Variants in KANK1 observed in about 807,000 individuals in gnomAD.
The protein encoded by KANK1 is KN motif and ankyrin repeat domains 1.
Under a neutral mutation model 106.2 loss-of-function variants are expected in KANK1, and 109 were observed. The observed-to-expected ratio is 1.03, with a 90% CI of 0.88 to 1.20. The LOEUF is 1.20. Ranked by LOEUF, KANK1 falls within the 50% of genes most tolerant of loss-of-function variation. KANK1 has a pLI of 0.00. For missense variants in KANK1, 2,399 were observed against 1,710.7 expected, an observed-to-expected ratio of 1.40 and a Z score of -7.10; for synonymous variants, 873 against 652.2, an observed-to-expected ratio of 1.34 and a Z score of -5.16.
chr9:713,647 A>G (rs937399561), intron 3 of KANK1, among the ~76,000 whole-genome samples, 183 bp downstream of exon 3: 1 of 152,204 alleles, frequency 6.6e-6, no homozygotes, highest in Non-Finnish European at 1.5e-5. Flanking sequence ...GCTGATGCTT[A>G]TTATCTGGTA....
At position 666,205 on chromosome 9, in the gene KANK1, G is replaced by C. The variant is rs148545345; in HGVS notation, c.-83-10685G>C. ...CAAAAAAAAAAACAAAATATTCCTG[G>C]GTATTTTACATTCTGTGTAGATACA... On this transcript the variant is annotated intron_variant, in intron 1 of 11. Coordinates refer to ENST00000382297, the MANE Select transcript of KANK1 (RefSeq NM_015158.5). Among the ~76,000 whole-genome samples the C allele has an allele frequency of 6.7e-3, 1,009 of 151,712 alleles. 17 individuals carry two copies. The highest frequency in any genetic ancestry group is 0.023 in the African/African-American group (953 of 41,360).
At chr9:498,817 A>G (rs534558348) in intron 3 of KANK1, among the ~76,000 whole-genome samples, 1 of 152,308 alleles carries the variant, frequency 6.6e-6, no homozygotes, top group African/African-American at 2.4e-5. Flanking sequence ...ACCCTTATAC[A>G]TTGTTAACAG....
At chr9:487,438 T>C (rs2058311600) in intron 3 of KANK1, among the ~76,000 whole-genome samples, 1 of 152,336 alleles carries the variant, frequency 6.6e-6, no homozygotes, top group East Asian at 1.9e-4. Context: ...TGATGTTTGG[T>C]AGGTTAGATG....
intron 3 of KANK1, among the ~76,000 whole-genome samples, chr9:728,039 G>A (rs55652202): frequency 0.076 from 11,522 of 152,010 alleles, 1,093 homozygotes; most frequent in African/African-American, 0.21. Flanking sequence ...TTAAAACAGA[G>A]ATCTTAGGAG....
chr9:519,618 C>T (rs1024371515), intron 1 of KANK1, among the ~76,000 whole-genome samples: 7 of 151,740 alleles, frequency 4.6e-5, no homozygotes, highest in Admixed American at 1.3e-4. Context: ...ATGATTTCGA[C>T]CTCTCATAAA....
At chr9:634,982 T>A (rs920378705) in intron 1 of KANK1, among the ~76,000 whole-genome samples, 2 of 152,166 alleles carry the variant, frequency 1.3e-5, no homozygotes, top group Non-Finnish European at 2.9e-5. Context: ...GTGGCTCTTG[T>A]AGGAGTAAGG....
chr9:610,638 T>G (rs7853095), intron 1 of KANK1, among the ~76,000 whole-genome samples: 10,974 of 152,214 alleles, frequency 0.072, 510 homozygotes, highest in African/African-American at 0.14. Context: ...ACCTGCAGTT[T>G]CCAGCTTTCC....
intron 1 of KANK1, among the ~76,000 whole-genome samples, chr9:667,781 T>A (rs113141371): frequency 3.3e-5 from 5 of 149,676 alleles, no homozygotes; most frequent in African/African-American, 9.8e-5. Context: ...CCCTCTGTCA[T>A]CCAGGCTGGA....
In KANK1 at chr9:711,261, G is replaced by A. The variant is rs753270962; in HGVS notation, c.495G>A (p.Leu165=). 1 of 1,614,140 alleles carries A rather than the reference G, an allele frequency of 6.2e-7. No individual in the cohort carries two copies. Among genetic ancestry groups the A allele is most frequent in the South Asian group, 1.1e-5 (1 of 91,078 alleles). The stretch of plus-strand genomic sequence containing the variant: ...CACTGATGGAGACCCGGAGAAGACT[G>A]GAACAGGAGAGAGCCACCATGCAGA... ...TKTLMETRRR[L]EQERATMQMT... The change falls in exon 3 of 12, where the codon CTG becomes CTA. Residue 165 remains leucine, a synonymous_variant. Coordinates refer to ENST00000382297, the MANE Select transcript of KANK1 (RefSeq NM_015158.5).
intron 2 of KANK1, among the ~76,000 whole-genome samples, chr9:706,134 T>G (rs1589063152): frequency 6.6e-6 from 1 of 152,262 alleles, no homozygotes; most frequent in East Asian, 1.9e-4. Flanking sequence ...TTTGTGAAAA[T>G]GACACCTTGA....
rs760477671 is a variant in KANK1 at position 711,861 on chromosome 9, G to C, written c.1095G>C (p.Lys365Asn). 6.2e-7 allele frequency: 1 copy of C among 1,614,180 alleles called. No individual in the cohort carries two copies. The highest frequency in any genetic ancestry group is 8.5e-7 in the Non-Finnish European group (1 of 1,180,038). Residue 365 changes from lysine (K) to asparagine (N), a missense_variant, in exon 3 of 12, where the codon AAG becomes AAC. Coordinates refer to ENST00000382297, the MANE Select transcript of KANK1 (RefSeq NM_015158.5). ...ETVEQSTQRI[K>N]EFRQLTADMQ... ...TAGAACAGAGCACGCAGAGGATAAAGGAGTTCCGGCAACTTACAGCAGACA... is the reference window on the plus strand; with the variant it reads ...TAGAACAGAGCACGCAGAGGATAAACGAGTTCCGGCAACTTACAGCAGACA...
chr9:662,842 A>G (rs1843661154), intron 1 of KANK1, among the ~76,000 whole-genome samples: 1 of 151,914 alleles, frequency 6.6e-6, no homozygotes, highest in African/African-American at 2.4e-5. Context: ...TTGTATTTTT[A>G]GTAGAGATGG....
At chr9:598,131 C>G (rs1826686139) in intron 1 of KANK1, among the ~76,000 whole-genome samples, 1 of 151,594 alleles carries the variant, frequency 6.6e-6, no homozygotes, top group Non-Finnish European at 1.5e-5. Flanking sequence ...CAGTATTTCC[C>G]CATTTGAATG....
chr9:624,398 ATATT>A (rs767032506), intron 1 of KANK1, among the ~76,000 whole-genome samples: 167 of 152,328 alleles, frequency 1.1e-3, no homozygotes, highest in Non-Finnish European at 1.1e-3. Context: ...TATGCAATCT[ATATT>A]TATATCAAAT....
intron 3 of KANK1, among the ~76,000 whole-genome samples, chr9:483,036 G>A (rs536573395): frequency 6.6e-6 from 1 of 152,122 alleles, no homozygotes; most frequent in South Asian, 2.1e-4. Context: ...CACAGTGCTT[G>A]CGTCCAAGTA....
chr9:677,991 G>A lies in KANK1; in HGVS notation c.37+982G>A, dbSNP rs145214436. ...CATACTTAGAGGAGCTATGTAAGCC[G>A]TAAAGCACTTTTGAAGACAACAGCA... On this transcript the variant is annotated intron_variant, in intron 2 of 11. Transcript: ENST00000382297. Among the ~76,000 whole-genome samples the A allele has an allele frequency of 2.1e-3, 316 of 152,286 alleles. 4 individuals are homozygous for A. Among genetic ancestry groups the A allele is most frequent in the African/African-American group, 7.1e-3 (297 of 41,546 alleles).
chr9:671,504 C>T (rs1337480478), intron 1 of KANK1, among the ~76,000 whole-genome samples: 2 of 6,322 alleles, frequency 3.2e-4, no homozygotes, highest in Non-Finnish European at 5.1e-4. Flanking sequence ...ATTAGCTGGA[C>T]GTGGTGGAGG....
intron 7 of KANK1, among the ~76,000 whole-genome samples, chr9:736,855 T>G (rs185262982): frequency 6.6e-6 from 1 of 152,210 alleles, no homozygotes; most frequent in South Asian, 2.1e-4. Context: ...TAACCTAAAC[T>G]TAAAACTGGT....
intron 1 of KANK1, among the ~76,000 whole-genome samples, chr9:525,573 G>GT (rs1426624400): frequency 2.0e-5 from 3 of 151,244 alleles, no homozygotes; most frequent in Non-Finnish European, 2.9e-5. Context: ...GTAGAGATGG[G>GT]TTTCAGCATG....
Sources: gnomAD v4.1 joint callset for allele counts (sites outside exome capture counted in the v4.1 genomes callset) on GRCh38, gnomAD v4.1.1 for gene constraint, MANE v1.5 for transcripts, NCBI Gene and HGNC (gene_info 2026-07-23, HGNC 2026-07-21) for gene names.